The following AGMO variants were observed in gnomAD, a reference collection of about 807,000 sequenced individuals.
The protein encoded by AGMO is glyceryl-ether monooxygenase.
Under a neutral mutation model 60.2 loss-of-function variants are expected in AGMO, and 75 were observed. The observed-to-expected ratio is 1.25, with a 90% CI of 1.03 to 1.51. AGMO has a LOEUF of 1.51. AGMO is among the 40% of genes most tolerant of loss of function. The probability of loss-of-function intolerance (pLI) is 0.00; values close to 1 mark genes in which losing one functional copy is unlikely to be tolerated. For missense variants in AGMO, 763 were observed against 525.5 expected (o/e 1.45, Z -4.42); for synonymous variants, 261 against 177.1 (o/e 1.47, Z -3.76).
chr7:15,369,559 G>A (rs899889093), intron 10 of AGMO, among the ~76,000 whole-genome samples: 3 of 151,906 alleles, frequency 2.0e-5, no homozygotes, highest in Non-Finnish European at 2.9e-5. Context: ...TTTCATTCAG[G>A]TCTCTATTCA....
rs747640514 is a variant in AGMO at position 15,514,483 on chromosome 7, G to A, written c.409+30289C>T. ...AGAGATATATAGTATTTATGCCCAT[G>A]TTACACAGAAAGTTGAGGCTCAGAG... is the stretch of plus-strand genomic sequence containing the variant. On this transcript the variant is annotated intron_variant, in intron 3 of 12. Coordinates refer to ENST00000342526, the MANE Select transcript of AGMO (RefSeq NM_001004320.2). 2.6e-5 allele frequency among the ~76,000 whole-genome samples: 4 copies of A among 152,056 alleles called. 1 individual carries two copies. The highest frequency in any genetic ancestry group is 5.9e-5 in the Non-Finnish European group (4 of 68,016).
the AGMO span, among the ~76,000 whole-genome samples, chr7:15,131,665 G>T: frequency 6.6e-6 from 1 of 151,726 alleles, no homozygotes; most frequent in Non-Finnish European, 1.5e-5. Flanking sequence ...TTCATTAAAG[G>T]GGCAATTTAT....
chr7:15,161,161 T>C, the AGMO span, among the ~76,000 whole-genome samples: 1 of 152,176 alleles, frequency 6.6e-6, no homozygotes, highest in Non-Finnish European at 1.5e-5. Context: ...CACTGGAGAT[T>C]AAGATTCCAA....
At position 15,444,363 on chromosome 7, in the gene AGMO, A is replaced by G. The variant is rs373951960; in HGVS notation, c.410-13255T>C. On this transcript the variant is annotated intron_variant, in intron 3 of 12. Transcript: ENST00000342526. ...TTGGAAATGTTTGCTTGACCCTCCCATTCCCTAATTTGTTTTTATCTCCAG... is the reference window on the plus strand; with the variant it reads ...TTGGAAATGTTTGCTTGACCCTCCCGTTCCCTAATTTGTTTTTATCTCCAG... Among the ~76,000 whole-genome samples, 6 of 152,078 alleles carry G rather than the reference A, an allele frequency of 3.9e-5. No individual in the cohort carries two copies. The South Asian group carries it at 8.3e-4, about 21-fold the overall frequency.
intron 3 of AGMO, among the ~76,000 whole-genome samples, chr7:15,492,210 A>G (rs1319688108): frequency 2.0e-5 from 3 of 152,156 alleles, no homozygotes; most frequent in Non-Finnish European, 4.4e-5. Flanking sequence ...TCTAATTATC[A>G]AAGAAGTTCA....
intron 3 of AGMO, among the ~76,000 whole-genome samples, chr7:15,517,462 T>C (rs948112133): frequency 6.6e-6 from 1 of 150,544 alleles, no homozygotes; most frequent in African/African-American, 2.5e-5. Context: ...CTAACTGAGG[T>C]ACCTGGCTCA....
intron 10 of AGMO, 48 bp from the exon 11 acceptor site, chr7:15,366,270 A>G (rs367679295): frequency 7.0e-7 from 1 of 1,436,724 alleles, no homozygotes. Context: ...AGAATTGTTA[A>G]AAGGTACACG....
intron 12 of AGMO, among the ~76,000 whole-genome samples, chr7:15,278,607 T>TC (rs1444110443): frequency 1.3e-5 from 2 of 152,114 alleles, no homozygotes; most frequent in Admixed American, 6.5e-5. Context: ...AGGCAATGCC[T>TC]CCTCAGCTGG....
intron 12 of AGMO, among the ~76,000 whole-genome samples, chr7:15,225,729 T>A (rs1782060847): frequency 2.0e-5 from 3 of 152,048 alleles, no homozygotes; most frequent in African/African-American, 7.2e-5. Flanking sequence ...AAAGGTCATT[T>A]CTTGCTCATA....
chr7:15,298,770 A>T (rs1426319076), intron 12 of AGMO, among the ~76,000 whole-genome samples: 1 of 152,112 alleles, frequency 6.6e-6, no homozygotes, highest in Non-Finnish European at 1.5e-5. Flanking sequence ...ACCTGCCTCC[A>T]ATCTAATAGA....
rs774368566 is a variant in AGMO at position 15,366,161 on chromosome 7, A to G, written c.1136T>C (p.Ile379Thr). 6.0e-5 allele frequency: 97 copies of G among 1,608,252 alleles called. No homozygotes were observed. The highest frequency in any genetic ancestry group is 7.2e-5 in the Non-Finnish European group (85 of 1,176,698). Reference sequence around the variant, plus strand: ...TTGCCTTTGATCCAGAAGAAATCCAATGGAAGTCAAGGTCAGGATAATGAA... The same window carrying G: ...TTGCCTTTGATCCAGAAGAAATCCAGTGGAAGTCAAGGTCAGGATAATGAA... ...VCFIILTLTS[I>T]GFLLDQRPKA... Residue 379 changes from isoleucine to threonine, a missense_variant, in exon 11 of 13, where the codon ATT (isoleucine) becomes ACT (threonine). Transcript: ENST00000342526.
the AGMO span, among the ~76,000 whole-genome samples, chr7:15,134,717 G>A: frequency 3.3e-5 from 5 of 152,174 alleles, no homozygotes; most frequent in African/African-American, 9.6e-5. Context: ...GGGCATTTAC[G>A]TTGACTCCAC....
At chr7:15,326,793 T>A (rs957235403) in intron 12 of AGMO, among the ~76,000 whole-genome samples, 3 of 152,158 alleles carry the variant, frequency 2.0e-5, no homozygotes, top group African/African-American at 4.8e-5. Context: ...CTGGGAAGTC[T>A]ATGTACAAAA....
At chr7:15,377,715 G>C (rs1163981866) in intron 10 of AGMO, among the ~76,000 whole-genome samples, 1 of 151,872 alleles carries the variant, frequency 6.6e-6, no homozygotes, top group Non-Finnish European at 1.5e-5. Flanking sequence ...CTTTTCTTTT[G>C]GTCTCATTCA....
intron 12 of AGMO, among the ~76,000 whole-genome samples, chr7:15,212,294 C>T (rs1781617058): frequency 1.4e-5 from 2 of 140,446 alleles, no homozygotes; most frequent in South Asian, 4.5e-4. Context: ...ACACAAATAG[C>T]ATGGGACCTA....
rs1780845418 is a variant in AGMO, at chr7:15,418,607, G to C, written c.560C>G (p.Ala187Gly). The C allele has an allele frequency of 1.9e-6, 3 of 1,584,180 alleles. No individual in the cohort carries two copies. Among genetic ancestry groups the C allele is most frequent in the African/African-American group, 2.8e-5 (2 of 72,112 alleles). Residue 187 changes from alanine (A) to glycine (G), a missense_variant, in exon 5 of 13, where the codon GCT (alanine) becomes GGT (glycine). Transcript: ENST00000342526. ...LALFIPPSVYAVHLQFNLLYQ... is the reference protein window; with the variant it reads ...LALFIPPSVYGVHLQFNLLYQ... ...AAGAAGATTGAATTGAAGATGAACA[G>C]CATATACTGAAGGGGGTATGAAGAG...
intron 2 of AGMO, among the ~76,000 whole-genome samples, chr7:15,549,231 A>G (rs1193347487): frequency 2.1e-5 from 3 of 144,764 alleles, no homozygotes. Context: ...TGTAAAGACC[A>G]TCGAGACTAG....
chr7:15,394,425 G>T (rs1024699259), intron 5 of AGMO, among the ~76,000 whole-genome samples: 4 of 152,122 alleles, frequency 2.6e-5, no homozygotes, highest in Admixed American at 6.5e-5. Context: ...ACGACTTTCA[G>T]TTCAGCTCCA....
At chr7:15,350,751 C>T (rs1369874190) in intron 12 of AGMO, among the ~76,000 whole-genome samples, 2 of 152,096 alleles carry the variant, frequency 1.3e-5, no homozygotes, top group Non-Finnish European at 2.9e-5. Context: ...ACAATTTGAT[C>T]ATAGGGAAGT....
Sources: allele counts gnomAD v4.1 joint callset (sites outside exome capture counted in the v4.1 genomes callset), GRCh38; gene constraint gnomAD v4.1.1; transcripts MANE v1.5; gene names NCBI Gene and HGNC (gene_info 2026-07-23, HGNC 2026-07-21).